The following RIPK1 variants were observed in gnomAD, a reference collection of about 807,000 sequenced individuals.
RIPK1 encodes receptor-interacting serine/threonine-protein kinase 1.
RIPK1 carries 27 observed loss-of-function variants against 62.4 expected under a neutral mutation model. The ratio of observed to expected loss-of-function variants is 0.43; its 90% confidence interval spans 0.32 to 0.60. The LOEUF is 0.60. RIPK1 is among the 20% of genes least tolerant of loss of function. The pLI is 0.07. For synonymous variants in RIPK1, 287 were observed against 303.2 expected (o/e 0.95, Z 0.55); for missense variants, 735 against 831.0 (o/e 0.88, Z 1.42).
In RIPK1 at chr6:3,102,729, T is replaced by C. The variant is rs1012639735; in HGVS notation, c.916-1496T>C. On this transcript the variant is annotated intron_variant, in intron 7 of 10. Coordinates refer to ENST00000259808, the MANE Select transcript of RIPK1 (RefSeq NM_001354930.2). ...GATTCTCCTGCCTCACCTTCCCGAG[T>C]AGCTGGGATTACAGGCATACACCAC... 2.0e-5 allele frequency among the ~76,000 whole-genome samples: 3 copies of C among 152,210 alleles called. 1 individual carries two copies. The South Asian group carries it at 6.2e-4, about 32-fold the overall frequency.
upstream of RIPK1, among the ~76,000 whole-genome samples, chr6:3,067,426 T>G (rs943354874): frequency 7.9e-5 from 12 of 152,210 alleles, no homozygotes; most frequent in Non-Finnish European, 1.6e-4. Flanking sequence ...GTTCTGAATT[T>G]TAGCCATTCT....
intron 6 of RIPK1, among the ~76,000 whole-genome samples, chr6:3,087,746 A>T (rs866051670): frequency 6.6e-6 from 1 of 151,562 alleles, no homozygotes; most frequent in Non-Finnish European, 1.5e-5. Flanking sequence ...TCACCGTGTT[A>T]GCCAGGATGG....
chr6:3,090,695 G>C, intron 7 of RIPK1, among the ~76,000 whole-genome samples: 1 of 152,014 alleles, frequency 6.6e-6, no homozygotes, highest in African/African-American at 2.4e-5. Flanking sequence ...ATAGAAGACA[G>C]AAAGAACATG....
In RIPK1 at chr6:3,113,460, AT is replaced by A; in HGVS notation, c.*125del. Reference sequence around the variant, plus strand: ...TGATAGGGGTTCTGTGTCTGCAGAAATTTTGTTTCCTGTACTTCATAGCTGG... The same window carrying A: ...TGATAGGGGTTCTGTGTCTGCAGAAATTTGTTTCCTGTACTTCATAGCTGG... On this transcript the variant is annotated 3_prime_UTR_variant, in exon 11 of 11. Coordinates refer to ENST00000259808, the MANE Select transcript of RIPK1 (RefSeq NM_001354930.2). This position sits in a 1 kb window ranked among gnomAD's most constrained non-coding sequence, Gnocchi z 5.0. 1 of 962,710 alleles carries A rather than the reference AT, an allele frequency of 1.0e-6. No individual in the cohort carries two copies. 59.6% of individuals were successfully genotyped at this position (962,710 alleles called of 1,614,324 possible). A position where few individuals can be genotyped will look rare whatever the true frequency, so the allele number is the denominator to read the frequency against.
chr6:3,106,933 A>AT (rs893530620), intron 9 of RIPK1, among the ~76,000 whole-genome samples: 12 of 152,184 alleles, frequency 7.9e-5, no homozygotes, highest in Admixed American at 2.0e-4. Context: ...TTCATTCATG[A>AT]TTAAGTCAAT....
At chr6:3,080,145 G>A (rs1759301432) in intron 3 of RIPK1, among the ~76,000 whole-genome samples, 1 of 152,204 alleles carries the variant, frequency 6.6e-6, no homozygotes, top group East Asian at 1.9e-4. Flanking sequence ...GCTACGTTAT[G>A]TCATAAATAT....
intron 3 of RIPK1, among the ~76,000 whole-genome samples, chr6:3,079,264 G>C (rs962448726): frequency 6.6e-6 from 1 of 152,126 alleles, no homozygotes; most frequent in Non-Finnish European, 1.5e-5. Flanking sequence ...ATTTTTAGTA[G>C]AGACAAGTTT....
intron 1 of RIPK1, among the ~76,000 whole-genome samples, chr6:3,074,915 C>T (rs1339054246): frequency 3.9e-5 from 6 of 152,140 alleles, no homozygotes; most frequent in African/African-American, 1.2e-4. Flanking sequence ...CTCCTGACCT[C>T]GTGATCCGCC....
In RIPK1 at chr6:3,076,929, C is replaced by T; in HGVS notation, c.106C>T (p.His36Tyr). 2 of 1,611,676 alleles carry T rather than the reference C, an allele frequency of 1.2e-6. No individual in the cohort carries two copies. The highest frequency in any genetic ancestry group is 1.7e-6 in the Non-Finnish European group (2 of 1,178,956). ...GGFGKVSLCF[H>Y]RTQGLMIMKT... ...CTTTGGGAAGGTGTCTCTGTGTTTC[C>T]ACAGAACCCAGGGACTCATGATCAT... Residue 36 changes from histidine to tyrosine, a missense_variant, in exon 2 of 11, where the codon CAC becomes TAC. His to Tyr is a moderately conservative substitution (Grantham distance 83, BLOSUM62 2). This residue lies in a region of RIPK1 where 671 missense variants were observed against 726.2 expected (regional missense o/e 0.92). Transcript: ENST00000259808.
intron 7 of RIPK1, among the ~76,000 whole-genome samples, chr6:3,102,353 G>A (rs995393469): frequency 8.5e-5 from 13 of 152,200 alleles, no homozygotes; most frequent in African/African-American, 3.1e-4. Context: ...TTCAGGCTAT[G>A]TGTATAAGGT....
intron 5 of RIPK1, among the ~76,000 whole-genome samples, chr6:3,085,018 T>C (rs1759614792): frequency 6.6e-6 from 1 of 152,236 alleles, no homozygotes; most frequent in Non-Finnish European, 1.5e-5. Context: ...CTTGCCCACA[T>C]AATCTTTTTG....
chr6:3,102,839 A>C (rs968961914), intron 7 of RIPK1, among the ~76,000 whole-genome samples: 2 of 152,066 alleles, frequency 1.3e-5, no homozygotes, highest in African/African-American at 4.8e-5. Context: ...TCCTAACCTC[A>C]GGTGATCTGA....
chr6:3,066,747 T>C (rs1255752288), upstream of RIPK1, among the ~76,000 whole-genome samples: 1 of 152,128 alleles, frequency 6.6e-6, no homozygotes, highest in African/African-American at 2.4e-5. Flanking sequence ...GGATAAAACA[T>C]ATACATTATC....
upstream of RIPK1, among the ~76,000 whole-genome samples, chr6:3,065,219 T>C (rs1053894185): frequency 2.3e-5 from 3 of 127,678 alleles, no homozygotes; most frequent in African/African-American, 9.1e-5. Context: ...ATCGCGCCAC[T>C]GCACTCCAGC....
At chr6:3,101,470 A>G (rs1201601958) in intron 7 of RIPK1, among the ~76,000 whole-genome samples, 2 of 152,208 alleles carry the variant, frequency 1.3e-5, no homozygotes, top group Non-Finnish European at 2.9e-5. Flanking sequence ...ATAAACATGC[A>G]AAGAGACAAA....
intron 1 of RIPK1, 44 bp downstream of exon 1, chr6:3,068,705 G>A (rs1758513819): frequency 1.0e-6 from 1 of 979,988 alleles, no homozygotes. Flanking sequence ...GGAGGCCGCC[G>A]GGCTCAGTCC....
chr6:3,078,322 CCT>C, intron 3 of RIPK1, among the ~76,000 whole-genome samples: 1 of 152,258 alleles, frequency 6.6e-6, no homozygotes, highest in African/African-American at 2.4e-5. Flanking sequence ...AGTGAAATCC[CCT>C]CTCTACAAAA....
chr6:3,099,531 G>A (rs1433951289), intron 7 of RIPK1, among the ~76,000 whole-genome samples: 1 of 152,146 alleles, frequency 6.6e-6, no homozygotes, highest in African/African-American at 2.4e-5. Flanking sequence ...GTGACAAAGT[G>A]AGACTCCGTC....
Position 3,113,328 on chromosome 6 carries a change from A to T in RIPK1, c.2005A>T (p.Ser669Cys), listed in dbSNP as rs765766723. The T allele has an allele frequency of 1.9e-6, 3 of 1,613,660 alleles. No homozygotes were observed. The highest frequency in any genetic ancestry group is 2.5e-6 in the Non-Finnish European group (3 of 1,179,804). The change falls in exon 11 of 11, where the codon AGC (serine) becomes TGC (cysteine). Residue 669 changes from serine to cysteine, a missense_variant. Ser to Cys is a moderately radical substitution (Grantham distance 112). Transcript: ENST00000259808. The surrounding 1 kb of genome is among the most constrained non-coding windows in gnomAD (Gnocchi z 5.0). The stretch of plus-strand genomic sequence containing the variant: ...CCTTCTGAGCAGCTTGATTTACGTC[A>T]GCCAGAACTAACCCTGGATGGGCTA... ...IDLLSSLIYVSQN is the reference protein window; with the variant it reads ...IDLLSSLIYVCQN
Sources: allele counts gnomAD v4.1 joint callset (sites outside exome capture counted in the v4.1 genomes callset), GRCh38; gene constraint gnomAD v4.1.1; regional missense constraint gnomAD v4.1.1; non-coding constraint Gnocchi (gnomAD v3.1); transcripts MANE v1.5; gene names NCBI Gene and HGNC (gene_info 2026-07-23, HGNC 2026-07-21).